ANO2: variants seen among roughly 807,000 people sequenced by gnomAD.
ANO2 encodes the protein anoctamin 2.
Under a neutral mutation model 124.2 loss-of-function variants are expected in ANO2, and 101 were observed. The ratio of observed to expected loss-of-function variants is 0.81; its 90% CI spans 0.69 to 0.96. ANO2 has a LOEUF of 0.96. ANO2 is among the 40% of genes least tolerant of loss of function. The probability of loss-of-function intolerance (pLI) is 0.00; values close to 1 mark genes in which losing one functional copy is unlikely to be tolerated. For synonymous variants in ANO2, 486 were observed against 482.5 expected (o/e 1.01, Z -0.09); for missense variants, 1,293 against 1,274.5 (o/e 1.01, Z -0.22).
chr12:5,693,578 C>T (rs1565575970), intron 14 of ANO2, among the ~76,000 whole-genome samples: 1 of 152,192 alleles, frequency 6.6e-6, no homozygotes, highest in East Asian at 1.9e-4. Context: ...ATCCTGTGGT[C>T]TTCTGCTCAG....
chr12:5,898,923 C>G (rs899193022), intron 3 of ANO2, among the ~76,000 whole-genome samples: 1 of 152,080 alleles, frequency 6.6e-6, no homozygotes, highest in Non-Finnish European at 1.5e-5. Context: ...AAAAGCCTAG[C>G]TATAAAGGAG....
At chr12:5,846,967 A>G (rs1954703720) in intron 4 of ANO2, among the ~76,000 whole-genome samples, 1 of 152,214 alleles carries the variant, frequency 6.6e-6, no homozygotes, top group Admixed American at 6.5e-5. Context: ...ATTGACTTGG[A>G]AAGTACAAGC....
chr12:5,806,116 G>A, intron 8 of ANO2, 23 bp from the exon 9 acceptor site: 1 of 1,608,376 alleles, frequency 6.2e-7, no homozygotes, highest in Non-Finnish European at 8.5e-7. Flanking sequence ...AGTGATGCTG[G>A]ATAAAGCCAA....
At chr12:5,889,121 C>T (rs1565752534) in intron 3 of ANO2, among the ~76,000 whole-genome samples, 2 of 152,248 alleles carry the variant, frequency 1.3e-5, no homozygotes, top group African/African-American at 2.4e-5. Context: ...CCACGGCCGG[C>T]GGGCCGGCTG....
chr12:5,683,744 G>A (rs565934959), intron 14 of ANO2, among the ~76,000 whole-genome samples: 6 of 151,986 alleles, frequency 3.9e-5, no homozygotes, highest in Admixed American at 1.3e-4. Flanking sequence ...ACAGATGATC[G>A]GTGTAAGAGA....
intron 14 of ANO2, among the ~76,000 whole-genome samples, chr12:5,721,754 C>T (rs1045409069): frequency 1.3e-5 from 2 of 152,162 alleles, no homozygotes; most frequent in African/African-American, 2.4e-5. Flanking sequence ...GCAGTCTGCC[C>T]GCCTCAGCCT....
intron 1 of ANO2, among the ~76,000 whole-genome samples, chr12:5,924,670 G>T (rs188930437): frequency 1.1e-3 from 174 of 152,340 alleles, no homozygotes; most frequent in African/African-American, 4.0e-3. Context: ...AGGCTAGATA[G>T]CTCCACAGGC....
intron 7 of ANO2, among the ~76,000 whole-genome samples, chr12:5,813,313 A>G (rs1179888210): frequency 6.6e-6 from 1 of 152,178 alleles, no homozygotes; most frequent in African/African-American, 2.4e-5. Context: ...CCCAAGTGTA[A>G]GTAGGTCATG....
Position 5,750,846 on chromosome 12 carries a change from C to A in ANO2, c.1180G>T (p.Asp394Tyr), listed in dbSNP as rs750095860. Residue 394 changes from aspartate (D) to tyrosine (Y), a missense_variant, in exon 11 of 25, where the codon GAT (aspartate) becomes TAT (tyrosine). Coordinates refer to ENST00000682330, the MANE Select transcript of ANO2 (RefSeq NM_001364791.2). ...TTAAAACTGATTTACCTGGGAATATCTTCTTCAATTGTTGCACATCCATAA... is the reference window on the plus strand; with the variant it reads ...TTAAAACTGATTTACCTGGGAATATATTCTTCAATTGTTGCACATCCATAA... ...FLYGCATIEEDIPSREMCDQQ... is the reference protein window; with the variant it reads ...FLYGCATIEEYIPSREMCDQQ... 3 of 1,610,874 alleles carry A rather than the reference C, an allele frequency of 1.9e-6. No individual in the cohort carries two copies. In the South Asian group the frequency reaches 3.3e-5, roughly 18 times the overall value.
chr12:5,896,982 G>T (rs951313008), intron 3 of ANO2, among the ~76,000 whole-genome samples: 5 of 152,260 alleles, frequency 3.3e-5, no homozygotes, highest in African/African-American at 1.2e-4. Flanking sequence ...CAACAGAAAT[G>T]TTGAACATAA....
intron 3 of ANO2, among the ~76,000 whole-genome samples, chr12:5,876,298 A>T (rs1408545432): frequency 2.0e-5 from 3 of 152,236 alleles, no homozygotes; most frequent in Non-Finnish European, 2.9e-5. Context: ...AAGTAATTAA[A>T]ATAGTGCTCT....
intron 3 of ANO2, among the ~76,000 whole-genome samples, chr12:5,920,393 A>T (rs532570434): frequency 6.6e-6 from 1 of 152,298 alleles, no homozygotes; most frequent in East Asian, 1.9e-4. Flanking sequence ...GGAGAAGGCC[A>T]CTAGATGTGG....
chr12:5,933,688 T>A (rs1029730427), intron 1 of ANO2, among the ~76,000 whole-genome samples: 3 of 152,244 alleles, frequency 2.0e-5, no homozygotes, highest in African/African-American at 7.2e-5. Flanking sequence ...CACAGCTGAC[T>A]GTTACATGTC....
intron 10 of ANO2, among the ~76,000 whole-genome samples, chr12:5,766,785 T>C (rs563617728): frequency 6.6e-6 from 1 of 152,322 alleles, no homozygotes; most frequent in African/African-American, 2.4e-5. Flanking sequence ...CAGGCCAGAC[T>C]ACATTCAGTT....
At chr12:5,817,310 C>A (rs1953641428) in intron 7 of ANO2, among the ~76,000 whole-genome samples, 1 of 152,204 alleles carries the variant, frequency 6.6e-6, no homozygotes, top group African/African-American at 2.4e-5. Context: ...TCCATGAACA[C>A]ACATAGTCAG....
intron 3 of ANO2, among the ~76,000 whole-genome samples, chr12:5,879,899 G>A (rs1160574174): frequency 6.6e-6 from 1 of 152,218 alleles, no homozygotes; most frequent in African/African-American, 2.4e-5. Flanking sequence ...TGAGGAAATG[G>A]CTTAATCAGA....
At chr12:5,920,270 C>G (rs181880679) in intron 3 of ANO2, among the ~76,000 whole-genome samples, 11 of 152,218 alleles carry the variant, frequency 7.2e-5, no homozygotes, top group Non-Finnish European at 1.2e-4. Context: ...CTCAAATCAG[C>G]TCCCTCAGGG....
At chr12:5,927,824 C>T (rs1942154928) in intron 1 of ANO2, among the ~76,000 whole-genome samples, 1 of 152,224 alleles carries the variant, frequency 6.6e-6, no homozygotes, top group East Asian at 1.9e-4. Flanking sequence ...TGGCTGGGAC[C>T]TCCAAATAAT....
At chr12:5,940,090 G>T (rs1340326946) in intron 1 of ANO2, among the ~76,000 whole-genome samples, 1 of 125,102 alleles carries the variant, frequency 8.0e-6, no homozygotes, top group Non-Finnish European at 1.6e-5. Flanking sequence ...TGGATGGATG[G>T]ATAGATGGAT....
Sources: gnomAD v4.1 joint callset for allele counts (sites outside exome capture counted in the v4.1 genomes callset) on GRCh38, gnomAD v4.1.1 for gene constraint, MANE v1.5 for transcripts, NCBI Gene and HGNC (gene_info 2026-07-23, HGNC 2026-07-21) for gene names.